The following SKOR2 variants were observed in gnomAD, a reference collection of about 807,000 sequenced individuals.
The protein encoded by SKOR2 is SKI family transcriptional corepressor 2, also known as LBX1 corepressor 1-like protein.
Under a neutral mutation model 69.1 loss-of-function variants are expected in SKOR2, and 47 were observed. The observed-to-expected ratio is 0.68, with a 90% CI of 0.54 to 0.87. The LOEUF (loss-of-function observed/expected upper bound fraction) is 0.87. SKOR2 is among the 40% of genes least tolerant of loss of function. SKOR2 has a pLI of 0.00. For missense variants in SKOR2, 1,404 were observed against 1,472.2 expected (o/e 0.95, Z 0.76); for synonymous variants, 717 against 672.6 (o/e 1.07, Z -1.02).
chr18:47,234,110 C>A (rs148168255), intron 4 of SKOR2, among the ~76,000 whole-genome samples: 1 of 152,060 alleles, frequency 6.6e-6, no homozygotes, highest in Non-Finnish European at 1.5e-5. Context: ...CAGAAGCTTC[C>A]GCTGCCTTTT....
At chr18:47,213,016 T>C (rs1044088002) in intron 7 of SKOR2, among the ~76,000 whole-genome samples, 1 of 152,148 alleles carries the variant, frequency 6.6e-6, no homozygotes, top group Non-Finnish European at 1.5e-5. Context: ...ATGGAAAATA[T>C]GACCTTGAGA....
chr18:47,213,477 C>G (rs954147178), intron 7 of SKOR2, among the ~76,000 whole-genome samples: 1 of 150,312 alleles, frequency 6.7e-6, no homozygotes, highest in African/African-American at 2.4e-5. Context: ...ACAGTCCACA[C>G]ATGTGAACCT....
intron 8 of SKOR2, among the ~76,000 whole-genome samples, chr18:47,207,598 C>G (rs1039311877): frequency 1.4e-4 from 21 of 152,160 alleles, no homozygotes; most frequent in African/African-American, 4.6e-4. Context: ...AGTGGGGGCA[C>G]ACCATTATTC....
chr18:47,251,515 G>C lies in SKOR2; in HGVS notation c.-189C>G, dbSNP rs1300718311. 4 of 152,272 alleles carry C rather than the reference G, an allele frequency of 2.6e-5. No individual in the cohort carries two copies. The highest frequency in any genetic ancestry group is 5.9e-5 in the Non-Finnish European group (4 of 68,080). The allele number at this position is 152,272 out of a possible 1,614,324, so 9.4% of individuals were successfully genotyped here. ...CGCGCGAAGATCCGGGCTCTGGCCCGAGCGAATGGCGCTCAAACCCCGGCC... is the reference window on the plus strand; with the variant it reads ...CGCGCGAAGATCCGGGCTCTGGCCCCAGCGAATGGCGCTCAAACCCCGGCC... On this transcript the variant is annotated 5_prime_UTR_variant, in exon 1 of 9. Transcript: ENST00000425639.
At chr18:47,214,907 G>A (rs1014102568) in intron 7 of SKOR2, among the ~76,000 whole-genome samples, 6 of 151,754 alleles carry the variant, frequency 4.0e-5, no homozygotes, top group Non-Finnish European at 7.4e-5. Context: ...AGAAATTACC[G>A]AGATTGGCAT....
intron 6 of SKOR2, among the ~76,000 whole-genome samples, chr18:47,221,881 A>G (rs1295815082): frequency 6.6e-6 from 1 of 152,258 alleles, no homozygotes; most frequent in Non-Finnish European, 1.5e-5. Context: ...AACGAGGAGT[A>G]AAAACACACA....
At chr18:47,244,848 A>C in intron 4 of SKOR2, 60 bp downstream of exon 4, 1 of 1,432,814 alleles carries the variant, frequency 7.0e-7, no homozygotes, top group Non-Finnish European at 9.4e-7. Context: ...TTTGATTATG[A>C]ATTTCAGCCC....
rs190655525 is a variant in SKOR2, at chr18:47,215,491, T to C, written c.2986-3340A>G. Among the ~76,000 whole-genome samples the C allele has an allele frequency of 8.2e-4, 125 of 152,284 alleles. 2 individuals are homozygous for C. Among genetic ancestry groups the C allele is most frequent in the South Asian group, 2.7e-3 (13 of 4,814 alleles). On this transcript the variant is annotated intron_variant, in intron 7 of 8. Transcript: ENST00000425639. The stretch of plus-strand genomic sequence containing the variant: ...AAAAGACCATCTTACTGAAGAGCTG[T>C]GTCCTTGCCAAAGAACAAGCACTCC...
In SKOR2 at chr18:47,247,051, C is replaced by G; in HGVS notation, c.2133G>C (p.Pro711=). The change falls in exon 2 of 9, where the codon CCG becomes CCC. Residue 711 remains proline (P), a synonymous_variant. Coordinates refer to ENST00000425639, the MANE Select transcript of SKOR2 (RefSeq NM_001278063.4). This position sits in a 1 kb window ranked among gnomAD's most constrained non-coding sequence, Gnocchi z 6.6. The part of the protein sequence containing the change: ...PPPPPPLAQH[P]HHRGLLSPGG... Reference sequence around the variant, plus strand: ...CGGGAGACAGAAGGCCTCGGTGGTGCGGGTGCTGGGCCAGAGGGGGCGGCG... The same window carrying G: ...CGGGAGACAGAAGGCCTCGGTGGTGGGGGTGCTGGGCCAGAGGGGGCGGCG... The G allele has an allele frequency of 8.4e-7, 1 of 1,193,532 alleles. No individual in the cohort carries two copies. Among genetic ancestry groups the G allele is most frequent in the Non-Finnish European group, 1.1e-6 (1 of 924,090 alleles). 73.9% of individuals were successfully genotyped at this position (1,193,532 alleles called of 1,614,324 possible).
At chr18:47,250,978 G>A (rs1421691900) in intron 1 of SKOR2, among the ~76,000 whole-genome samples, 2 of 152,052 alleles carry the variant, frequency 1.3e-5, no homozygotes, top group East Asian at 1.9e-4. Context: ...CTGGCCAGCC[G>A]GGGCGGGAAG....
At chr18:47,228,742 A>G (rs1007995204) in intron 6 of SKOR2, among the ~76,000 whole-genome samples, 2 of 152,228 alleles carry the variant, frequency 1.3e-5, no homozygotes, top group Middle Eastern at 3.2e-3. Flanking sequence ...AAAGTTAGAG[A>G]ATCCTAGATC....
chr18:47,236,269 G>A (rs66875245), intron 4 of SKOR2, among the ~76,000 whole-genome samples: 6,077 of 152,198 alleles, frequency 0.04, 130 homozygotes, highest in African/African-American at 0.05. Context: ...GGAATTATAC[G>A]CCTGAGTCAC....
In SKOR2 at chr18:47,249,238, G is replaced by A. The variant is rs1208994575; in HGVS notation, c.-47-8C>T. 3.4e-6 allele frequency: 5 copies of A among 1,491,268 alleles called. No homozygotes were observed. In the East Asian group the frequency reaches 7.4e-5, roughly 22 times the overall value. 92.4% of individuals were successfully genotyped at this position (1,491,268 alleles called of 1,614,324 possible). On this transcript the variant is annotated splice_polypyrimidine_tract_variant and splice_region_variant and intron_variant, in intron 1 of 8. Coordinates refer to ENST00000425639, the MANE Select transcript of SKOR2 (RefSeq NM_001278063.4). ...ACAGGTCTGCCTTGGACACTGGAAG[G>A]GAAAGGAGAAAGCGTTGACTTGAGC...
chr18:47,211,577 G>A (rs1010456691), intron 8 of SKOR2, among the ~76,000 whole-genome samples: 1 of 152,148 alleles, frequency 6.6e-6, no homozygotes, highest in Non-Finnish European at 1.5e-5. Context: ...TTCAGCTGTA[G>A]AGAAACTATT....
At chr18:47,219,913 C>T in intron 7 of SKOR2, 30 bp downstream of exon 7, 1 of 1,523,724 alleles carries the variant, frequency 6.6e-7, no homozygotes, top group Non-Finnish European at 8.8e-7. Context: ...AATTAAGTTG[C>T]ATTTATTTTT....
At chr18:47,222,327 AAAG>A (rs1431829540) in intron 6 of SKOR2, among the ~76,000 whole-genome samples, 1 of 152,172 alleles carries the variant, frequency 6.6e-6, no homozygotes, top group African/African-American at 2.4e-5. Flanking sequence ...AAAAAAAAAA[AAAG>A]AAAAAATTTT....
chr18:47,207,273 T>A (rs528727734), intron 8 of SKOR2, among the ~76,000 whole-genome samples: 10 of 152,238 alleles, frequency 6.6e-5, no homozygotes, highest in South Asian at 4.1e-4. Flanking sequence ...GAAGTATGAG[T>A]GGAGGTTTTG....
At position 47,247,813 on chromosome 18, in the gene SKOR2, C is replaced by G; in HGVS notation, c.1371G>C (p.Ala457=). ...KAGLSGLFWP[A]GRKDAFYPPF... ...GCGGATAGAAGGCGTCCTTGCGGCC[C>G]GCGGGCCAGAAGAGGCCGGACAAGC... Residue 457 remains alanine (A), a synonymous_variant, in exon 2 of 9, where the codon GCG becomes GCC. Transcript: ENST00000425639. This position sits in a 1 kb window ranked among gnomAD's most constrained non-coding sequence, Gnocchi z 6.6. 1 of 1,398,438 alleles carries G rather than the reference C, an allele frequency of 7.2e-7. No homozygotes were observed. Among genetic ancestry groups the G allele is most frequent in the Non-Finnish European group, 9.2e-7 (1 of 1,083,860 alleles). 86.6% of individuals were successfully genotyped at this position (1,398,438 alleles called of 1,614,324 possible).
rs142405411 is a variant in SKOR2 at position 47,217,057 on chromosome 18, C to T, written c.2985+2886G>A. On this transcript the variant is annotated intron_variant, in intron 7 of 8. Transcript: ENST00000425639. Reference sequence around the variant, plus strand: ...ACATCAGGCTGAATAAGGAATTAGACACATTTCTGTTCAAGTAACACTGAA... The same window carrying T: ...ACATCAGGCTGAATAAGGAATTAGATACATTTCTGTTCAAGTAACACTGAA... 1.4e-4 allele frequency among the ~76,000 whole-genome samples: 21 copies of T among 152,278 alleles called. No individual in the cohort carries two copies. In the East Asian group the frequency reaches 4.1e-3, roughly 29 times the overall value.
Sources: allele counts gnomAD v4.1 joint callset (sites outside exome capture counted in the v4.1 genomes callset), GRCh38; gene constraint gnomAD v4.1.1; non-coding constraint Gnocchi (gnomAD v3.1); transcripts MANE v1.5; gene names NCBI Gene and HGNC (gene_info 2026-07-23, HGNC 2026-07-21).